Variants in LCP2 observed in about 807,000 individuals in gnomAD.
The protein encoded by LCP2 is 76 kDa tyrosine phosphoprotein.
LCP2 carries 29 observed loss-of-function variants against 74.5 expected under a neutral mutation model. The ratio of observed to expected loss-of-function variants is 0.39; its 90% CI spans 0.29 to 0.53. LCP2 has a LOEUF of 0.53. LCP2 is among the 20% of genes least tolerant of loss of function. The pLI, the probability that LCP2 is intolerant of heterozygous loss-of-function variation, is 0.72. For missense variants in LCP2, 604 were observed against 634.6 expected, an observed-to-expected ratio of 0.95 and a Z score of 0.52; for synonymous variants, 228 against 229.5, an observed-to-expected ratio of 0.99 and a Z score of 0.06.
chr5:170,275,428 C>T (rs376041647), intron 4 of LCP2, 77 bp from the exon 5 acceptor site: 33 of 1,516,006 alleles, frequency 2.2e-5, no homozygotes, highest in East Asian at 9.0e-5. Context: ...CCTGGTCCAG[C>T]GAGAGGGAGT....
chr5:170,284,937 G>T (rs1385155387), intron 3 of LCP2, among the ~76,000 whole-genome samples: 1 of 152,090 alleles, frequency 6.6e-6, no homozygotes, highest in African/African-American at 2.4e-5. Flanking sequence ...TTTTAGTAGA[G>T]ATGGGGTTTT....
intron 14 of LCP2, among the ~76,000 whole-genome samples, chr5:170,260,298 C>T (rs1205582560): frequency 2.0e-5 from 3 of 152,148 alleles, no homozygotes; most frequent in East Asian, 3.9e-4. Flanking sequence ...AGCACTTCAT[C>T]GGAACAAGCA....
chr5:170,281,013 AAAT>A (rs764317189), intron 3 of LCP2, among the ~76,000 whole-genome samples: 1 of 152,204 alleles, frequency 6.6e-6, no homozygotes, highest in East Asian at 1.9e-4. Context: ...TCAAAAATAA[AAAT>A]AATAATAATA....
In LCP2 at chr5:170,259,319, A is replaced by T. The variant is rs544055302; in HGVS notation, c.958-441T>A. On this transcript the variant is annotated intron_variant, in intron 14 of 20. Coordinates refer to ENST00000046794, the MANE Select transcript of LCP2 (RefSeq NM_005565.5). ...GCCAGGAGTTGCAGAGATGGATTCAACCCCAAATATGTCTGACCAAAGCTC... is the reference window on the plus strand; with the variant it reads ...GCCAGGAGTTGCAGAGATGGATTCATCCCCAAATATGTCTGACCAAAGCTC... Among the ~76,000 whole-genome samples the T allele has an allele frequency of 6.2e-4, 95 of 152,250 alleles. 1 individual carries two copies. In the South Asian group the frequency reaches 0.019, roughly 30 times the overall value.
At chr5:170,290,952 A>AAAAGAAAGAAAGAAAAG (rs1762278258) in intron 2 of LCP2, among the ~76,000 whole-genome samples, 11 of 117,026 alleles carry the variant, frequency 9.4e-5, no homozygotes, top group East Asian at 5.0e-4. Flanking sequence ...AGAAAGAAAG[A>AAAAGAAAGAAAGAAAAG]AAAGAAAGAA....
chr5:170,268,442 C>T lies in LCP2; in HGVS notation c.564G>A (p.Val188=), dbSNP rs2292254. ...GGGCGGCCATCGGTCTCTGGGGGGG[C>T]ACAGGAGGCTGCTGGGGGGTTTTCC... ...PSGKTPQQPP[V]PPQRPMAALP... Residue 188 remains valine (V), a synonymous_variant, in exon 8 of 21, where the codon GTG becomes GTA. Transcript: ENST00000046794. 0.37 allele frequency: 143,187 copies of T among 389,238 alleles called. 29,196 individuals are homozygous for T. Among genetic ancestry groups the T allele is most frequent in the East Asian group, 0.6 (6,279 of 10,496 alleles). The allele number at this position is 389,238 out of a possible 1,614,324, so 24.1% of individuals were successfully genotyped here.
chr5:170,289,651 T>TCCTCTCTCTCTCTCTCTC (rs1762247365), intron 2 of LCP2, among the ~76,000 whole-genome samples: 1 of 112,684 alleles, frequency 8.9e-6, no homozygotes, highest in African/African-American at 3.4e-5. Flanking sequence ...CTTTCTTTCT[T>TCCTCTCTCTCTCTCTCTC]TCTTTCTTTC....
intron 20 of LCP2, 107 bp from the exon 21 acceptor site, chr5:170,248,926 G>GGCA: frequency 3.7e-6 from 4 of 1,091,018 alleles, no homozygotes; most frequent in Non-Finnish European, 5.3e-6. Context: ...CAAGTGATGA[G>GGCA]GATTGTGGGG....
intron 2 of LCP2, among the ~76,000 whole-genome samples, chr5:170,289,758 C>CTCT (rs754930190): frequency 2.4e-5 from 3 of 123,264 alleles, no homozygotes; most frequent in Non-Finnish European, 3.4e-5. Context: ...TTTTCTTTCT[C>CTCT]TTTTTTTTTT....
chr5:170,286,660 G>T (rs985683095), intron 3 of LCP2, among the ~76,000 whole-genome samples: 1 of 152,154 alleles, frequency 6.6e-6, no homozygotes, highest in African/African-American at 2.4e-5. Context: ...TCAACAATAC[G>T]TGTCCCTGGA....
chr5:170,275,900 C>T, intron 3 of LCP2, 40 bp from the exon 4 acceptor site: 1 of 1,516,142 alleles, frequency 6.6e-7, no homozygotes, highest in Non-Finnish European at 9.0e-7. Context: ...AAAACCATCA[C>T]TCAGTCTCAA....
chr5:170,277,861 G>C (rs1762033181), intron 3 of LCP2, among the ~76,000 whole-genome samples: 1 of 152,056 alleles, frequency 6.6e-6, no homozygotes, highest in Non-Finnish European at 1.5e-5. Flanking sequence ...GAAGGAGGAA[G>C]GGGAGGGAAA....
At chr5:170,272,763 C>T (rs1342412452) in intron 6 of LCP2, among the ~76,000 whole-genome samples, 1 of 151,440 alleles carries the variant, frequency 6.6e-6, no homozygotes, top group African/African-American at 2.4e-5. Context: ...CAGGCACGCA[C>T]CACCACGCCC....
chr5:170,269,676 G>A (rs1761858811), intron 7 of LCP2, among the ~76,000 whole-genome samples: 1 of 152,230 alleles, frequency 6.6e-6, no homozygotes, highest in Admixed American at 6.5e-5. Context: ...TTGTCTTCGT[G>A]CCTCTGTATC....
chr5:170,282,679 T>TTTTCCCA (rs1250042550), intron 3 of LCP2, among the ~76,000 whole-genome samples: 32 of 152,226 alleles, frequency 2.1e-4, no homozygotes, highest in African/African-American at 7.7e-4. Flanking sequence ...CATATTGTTA[T>TTTTCCCA]TTTCCCATTA....
chr5:170,263,131 C>G, intron 10 of LCP2, 139 bp from the exon 11 acceptor site: 1 of 1,019,020 alleles, frequency 9.8e-7, no homozygotes, highest in African/African-American at 1.6e-5. Flanking sequence ...TCAGAAACTT[C>G]AGACTAGGAA....
intron 2 of LCP2, among the ~76,000 whole-genome samples, chr5:170,289,860 GC>G (rs1762259783): frequency 2.6e-5 from 4 of 151,274 alleles, no homozygotes; most frequent in Admixed American, 2.6e-4. Flanking sequence ...AGGAGTTGAA[GC>G]CTTCCTAAGG....
chr5:170,261,785 T>C (rs1214898736), intron 13 of LCP2, among the ~76,000 whole-genome samples: 1 of 152,192 alleles, frequency 6.6e-6, no homozygotes, highest in East Asian at 1.9e-4. Context: ...TAATGTCCTC[T>C]CTGGGGAGAA....
At chr5:170,283,973 T>C (rs1240032275) in intron 3 of LCP2, among the ~76,000 whole-genome samples, 2 of 152,202 alleles carry the variant, frequency 1.3e-5, no homozygotes, top group Admixed American at 1.3e-4. Context: ...GTAATTGTAG[T>C]GTAATTGCTT....
Sources: gnomAD v4.1 joint callset for allele counts (sites outside exome capture counted in the v4.1 genomes callset) on GRCh38, gnomAD v4.1.1 for gene constraint, MANE v1.5 for transcripts, NCBI Gene and HGNC (gene_info 2026-07-23, HGNC 2026-07-21) for gene names.